Variants in IRAK2 observed in about 807,000 individuals in gnomAD.
The protein encoded by IRAK2 is interleukin 1 receptor associated kinase 2, also known as interleukin-1 receptor-associated kinase-like 2.
In IRAK2, 57 loss-of-function variants were observed where a neutral mutation model predicts 72.0. That is an observed-to-expected ratio of 0.79 (90% CI 0.64 to 0.99). The LOEUF is 0.99. Among genes scored for constraint, IRAK2 ranks in the 50% least tolerant of loss-of-function variants. The pLI, the probability that IRAK2 is intolerant of heterozygous loss-of-function variation, is 0.00. For missense variants in IRAK2, 790 were observed against 794.4 expected (o/e 0.99, Z 0.07); for synonymous variants, 293 against 312.7 (o/e 0.94, Z 0.67).
In IRAK2 at chr3:10,219,790, G is replaced by C; in HGVS notation, c.1013+1G>C. ...AGATCATCCACAGCAACGTCAAGAGGTGAGAGAGGTGGGCTGGACCCTGCT... is the reference window on the plus strand; with the variant it reads ...AGATCATCCACAGCAACGTCAAGAGCTGAGAGAGGTGGGCTGGACCCTGCT... On this transcript the variant is annotated splice_donor_variant, in intron 8 of 12. Transcript: ENST00000256458. LOFTEE classifies it high-confidence loss of function. 5 of 1,606,808 alleles carry C rather than the reference G, an allele frequency of 3.1e-6. No individual in the cohort carries two copies. Among genetic ancestry groups the C allele is most frequent in the East Asian group, 2.2e-5 (1 of 44,834 alleles).
intron 2 of IRAK2, among the ~76,000 whole-genome samples, chr3:10,189,917 G>T (rs543932977): frequency 2.0e-5 from 3 of 152,066 alleles, no homozygotes; most frequent in African/African-American, 7.2e-5. Flanking sequence ...CACTGGAGGC[G>T]ACACTGTTTT....
intron 10 of IRAK2, among the ~76,000 whole-genome samples, chr3:10,230,388 T>C (rs546209440): frequency 6.6e-6 from 1 of 152,058 alleles, no homozygotes; most frequent in South Asian, 2.1e-4. Flanking sequence ...AGTGGCATGA[T>C]CATAGCTCAC....
At chr3:10,195,799 G>T (rs998325552) in intron 2 of IRAK2, among the ~76,000 whole-genome samples, 3 of 152,158 alleles carry the variant, frequency 2.0e-5, no homozygotes, top group African/African-American at 7.2e-5. Flanking sequence ...AGCCCAGCCG[G>T]CCCTGAGCCA....
intron 2 of IRAK2, among the ~76,000 whole-genome samples, chr3:10,178,300 A>C (rs989100032): frequency 6.6e-6 from 1 of 152,080 alleles, no homozygotes; most frequent in Admixed American, 6.6e-5. Context: ...TCTACTAAAA[A>C]TACAAAATTA....
chr3:10,224,713 C>T (rs2125160792), intron 9 of IRAK2, among the ~76,000 whole-genome samples: 1 of 46,474 alleles, frequency 2.2e-5, no homozygotes, highest in Admixed American at 1.8e-4. Context: ...TGCACCCACC[C>T]TCCCACCCAC....
chr3:10,206,374 G>A (rs936937287), intron 3 of IRAK2, among the ~76,000 whole-genome samples: 3 of 152,112 alleles, frequency 2.0e-5, no homozygotes, highest in Non-Finnish European at 4.4e-5. Flanking sequence ...GGGGTCTCCA[G>A]CTCGCATTCT....
At chr3:10,165,153 C>G in intron 1 of IRAK2, 105 bp downstream of exon 1, 1 of 995,902 alleles carries the variant, frequency 1.0e-6, no homozygotes, top group Non-Finnish European at 1.5e-6. Context: ...TTCAGCGGGT[C>G]CCGATCCGAG....
At chr3:10,218,485 GAAC>G (rs1310185762) in intron 7 of IRAK2, among the ~76,000 whole-genome samples, 1 of 147,582 alleles carries the variant, frequency 6.8e-6, no homozygotes, top group Non-Finnish European at 1.5e-5. Context: ...GTCAGTCTTA[GAAC>G]AACAGTGGGA....
rs1470206519 is a variant in IRAK2 at position 10,234,827 on chromosome 3, G to C, written c.1473+168G>C. 2.0e-5 allele frequency among the ~76,000 whole-genome samples: 3 copies of C among 152,370 alleles called. No individual in the cohort carries two copies. In the East Asian group the frequency reaches 5.8e-4, roughly 29 times the overall value. Reference sequence around the variant, plus strand: ...CCAAAGGGCGGTGTAGGGATGGATAGTGCGGAGCCCGAGGACGGGTATTGC... The same window carrying C: ...CCAAAGGGCGGTGTAGGGATGGATACTGCGGAGCCCGAGGACGGGTATTGC... On this transcript the variant is annotated intron_variant, in intron 11 of 12. Coordinates refer to ENST00000256458, the MANE Select transcript of IRAK2 (RefSeq NM_001570.4).
chr3:10,213,420 C>T lies in IRAK2; in HGVS notation c.723+19C>T. 1.2e-6 allele frequency: 2 copies of T among 1,613,180 alleles called. No individual in the cohort carries two copies. Among genetic ancestry groups the T allele is most frequent in the Non-Finnish European group, 1.7e-6 (2 of 1,179,304 alleles). On this transcript the variant is annotated intron_variant, in intron 5 of 12. Transcript: ENST00000256458. Reference sequence around the variant, plus strand: ...CAGAGAGGTGAGCACTTCTTGGTTTCTAGTGGGGGTGGAGGCTGCAGGGGT... The same window carrying T: ...CAGAGAGGTGAGCACTTCTTGGTTTTTAGTGGGGGTGGAGGCTGCAGGGGT...
chr3:10,192,949 A>AT (rs978941063), intron 2 of IRAK2, among the ~76,000 whole-genome samples: 2 of 151,616 alleles, frequency 1.3e-5, no homozygotes, highest in African/African-American at 2.4e-5. Context: ...CTGGGTGTTA[A>AT]TTTTTTTATC....
intron 2 of IRAK2, among the ~76,000 whole-genome samples, chr3:10,188,991 C>T (rs531682845): frequency 1.3e-4 from 20 of 152,212 alleles, no homozygotes; most frequent in Admixed American, 3.3e-4. Context: ...GCCTACTGTG[C>T]GCTAGATGCT....
intron 3 of IRAK2, among the ~76,000 whole-genome samples, chr3:10,204,878 T>C (rs1697412105): frequency 6.6e-6 from 1 of 152,194 alleles, no homozygotes; most frequent in South Asian, 2.1e-4. Context: ...TGATTAGCTG[T>C]GCCTCACTCT....
rs539137833 is a variant in IRAK2, at chr3:10,219,794, G to A, written c.1013+5G>A. On this transcript the variant is annotated splice_donor_5th_base_variant and intron_variant, in intron 8 of 12. Coordinates refer to ENST00000256458, the MANE Select transcript of IRAK2 (RefSeq NM_001570.4). ...CATCCACAGCAACGTCAAGAGGTGA[G>A]AGAGGTGGGCTGGACCCTGCTGGGG... 13 of 1,605,532 alleles carry A rather than the reference G, an allele frequency of 8.1e-6. No individual in the cohort carries two copies. In the East Asian group the frequency reaches 2.5e-4, roughly 30 times the overall value.
chr3:10,234,716 G>A, intron 11 of IRAK2, 57 bp downstream of exon 11: 3 of 1,485,722 alleles, frequency 2.0e-6, no homozygotes, highest in South Asian at 1.1e-5. Context: ...CCACCTCATC[G>A]GGGACGGCCC....
chr3:10,222,832 GT>G lies in IRAK2; in HGVS notation c.1209+2del, dbSNP rs1697717539. On this transcript the variant is annotated splice_donor_variant, in intron 9 of 12. Coordinates refer to ENST00000256458, the MANE Select transcript of IRAK2 (RefSeq NM_001570.4). LOFTEE classifies it high-confidence loss of function. ...AGTGGACATCTTCAGCTGTGGAATA[GT>G]AAGAGTGTCCTGCTCTGCGTAGAGT... 6.2e-7 allele frequency: 1 copy of G among 1,613,780 alleles called. No homozygotes were observed. The highest frequency in any genetic ancestry group is 1.7e-5 in the Admixed American group (1 of 60,018).
chr3:10,204,967 C>G (rs1200942677), intron 3 of IRAK2, among the ~76,000 whole-genome samples: 1 of 152,114 alleles, frequency 6.6e-6, no homozygotes, highest in African/African-American at 2.4e-5. Flanking sequence ...TTCATCTACT[C>G]TCCTGCCCCA....
intron 9 of IRAK2, among the ~76,000 whole-genome samples, chr3:10,225,866 T>C (rs1344019219): frequency 6.6e-6 from 1 of 151,964 alleles, no homozygotes; most frequent in Non-Finnish European, 1.5e-5. Flanking sequence ...GCCTGGCTCA[T>C]TTTTTTGTAT....
chr3:10,193,754 C>T (rs1697220069), intron 2 of IRAK2, among the ~76,000 whole-genome samples: 1 of 152,236 alleles, frequency 6.6e-6, no homozygotes, highest in Non-Finnish European at 1.5e-5. Context: ...CTGGGGGTCC[C>T]AGCAGGGAGA....
Sources: gnomAD v4.1 joint callset for allele counts (sites outside exome capture counted in the v4.1 genomes callset) on GRCh38, gnomAD v4.1.1 for gene constraint, MANE v1.5 for transcripts, NCBI Gene and HGNC (gene_info 2026-07-23, HGNC 2026-07-21) for gene names.